TAS2R1: variants seen among roughly 807,000 people sequenced by gnomAD.
TAS2R1 encodes taste 2 receptor member 1.
For missense variants in TAS2R1, 370 were observed against 353.4 expected, an observed-to-expected ratio of 1.05 and a Z score of -0.38; for synonymous variants, 141 against 134.2, an observed-to-expected ratio of 1.05 and a Z score of -0.35.
chr5:9,629,082 C>T lies in TAS2R1; in HGVS notation c.*51G>A. On this transcript the variant is annotated 3_prime_UTR_variant, in exon 1 of 1. Transcript: ENST00000382492. Reference sequence around the variant, plus strand: ...GTCTGGCTGAGGGAAGTGTGGCAGGCATGGGTAAATCATTGAATCATGGGT... The same window carrying T: ...GTCTGGCTGAGGGAAGTGTGGCAGGTATGGGTAAATCATTGAATCATGGGT... 1 of 1,489,926 alleles carries T rather than the reference C, an allele frequency of 6.7e-7. No homozygotes were observed. The highest frequency in any genetic ancestry group is 1.5e-5 in the South Asian group (1 of 67,892). The allele number at this position is 1,489,926 out of a possible 1,614,324, so 92.3% of individuals were successfully genotyped here. A position where few individuals can be genotyped will look rare whatever the true frequency, so the allele number is the denominator to read the frequency against.
At chr5:9,681,273 A>G (rs1370157359) in intron 1 of TAS2R1, among the ~76,000 whole-genome samples, 2 of 152,020 alleles carry the variant, frequency 1.3e-5, no homozygotes, top group Non-Finnish European at 1.5e-5. Context: ...AAAAATAGGG[A>G]AAAATGGGTG....
At chr5:9,732,886 G>A in the TAS2R1 span, among the ~76,000 whole-genome samples, 39 of 152,260 alleles carry the variant, frequency 2.6e-4, no homozygotes, top group Admixed American at 1.7e-3. Context: ...AGACAGGAGC[G>A]GATATTGCAA....
chr5:9,878,157 C>G, the TAS2R1 span, among the ~76,000 whole-genome samples: 1 of 152,238 alleles, frequency 6.6e-6, no homozygotes, highest in African/African-American at 2.4e-5. Flanking sequence ...ACACAGTCAC[C>G]TCAACATAAT....
At chr5:9,848,359 G>A in the TAS2R1 span, among the ~76,000 whole-genome samples, 1 of 152,286 alleles carries the variant, frequency 6.6e-6, no homozygotes. Flanking sequence ...AAACAATGGA[G>A]GCATCCAAAT....
chr5:9,854,700 C>A, the TAS2R1 span, among the ~76,000 whole-genome samples: 270 of 152,122 alleles, frequency 1.8e-3, 1 homozygote, highest in African/African-American at 6.3e-3. Context: ...CAGAAAGTTG[C>A]AATACTGGAT....
chr5:9,780,725 A>G, the TAS2R1 span, among the ~76,000 whole-genome samples: 1 of 152,168 alleles, frequency 6.6e-6, no homozygotes, highest in South Asian at 2.1e-4. Flanking sequence ...ATGTGCGTTC[A>G]TGTTAGGTTA....
At chr5:9,712,904 A>C (rs543107901), upstream of TAS2R1, among the ~76,000 whole-genome samples, 1 of 151,992 alleles carries the variant, frequency 6.6e-6, no homozygotes, top group African/African-American at 2.4e-5. Context: ...GAGAACCCTA[A>C]CTAATATACC....
At chr5:9,794,371 G>A in the TAS2R1 span, among the ~76,000 whole-genome samples, 1 of 151,994 alleles carries the variant, frequency 6.6e-6, no homozygotes, top group Admixed American at 6.6e-5. Flanking sequence ...GGATATAAAA[G>A]GATTCAGATA....
At chr5:9,722,398 T>C in the TAS2R1 span, among the ~76,000 whole-genome samples, 1 of 152,268 alleles carries the variant, frequency 6.6e-6, no homozygotes, top group Non-Finnish European at 1.5e-5. Flanking sequence ...AAATCTACAT[T>C]GTACTAACAC....
Position 9,629,527 on chromosome 5 carries a change from T to C in TAS2R1, c.506A>G (p.Glu169Gly), listed in dbSNP as rs778234948. The C allele has an allele frequency of 1.8e-5, 29 of 1,614,086 alleles. No homozygotes were observed. The South Asian group carries it at 2.0e-4, about 11-fold the overall frequency. Residue 169 changes from glutamate to glycine, a missense_variant, in exon 1 of 1, where the codon GAA becomes GGA. Transcript: ENST00000382492. ...FFSQNATIQKEDTLAIQIFSF... is the reference protein window; with the variant it reads ...FFSQNATIQKGDTLAIQIFSF... ...GAAAATCTGTATAGCCAGTGTATCT[T>C]CTTTTTGAATTGTGGCATTTTGGGA... is the stretch of plus-strand genomic sequence containing the variant.
chr5:9,679,278 C>T (rs1220794532), intron 1 of TAS2R1, among the ~76,000 whole-genome samples: 1 of 152,144 alleles, frequency 6.6e-6, no homozygotes, highest in Admixed American at 6.5e-5. Flanking sequence ...ACCGTGATGG[C>T]AAATACATGA....
rs1262191008 is a variant in TAS2R1 at position 9,677,854 on chromosome 5, A to G, written c.-241-18273T>C. 3.3e-5 allele frequency among the ~76,000 whole-genome samples: 5 copies of G among 152,192 alleles called. No homozygotes were observed. The East Asian group carries it at 5.8e-4, about 18-fold the overall frequency. Reference sequence around the variant, plus strand: ...AATTGATTAGAAAACTTATGTCCATACAAGAGCACACATGTGAATGTTTCA... The same window carrying G: ...AATTGATTAGAAAACTTATGTCCATGCAAGAGCACACATGTGAATGTTTCA... On this transcript the variant is annotated intron_variant, in intron 1 of 2. Transcript: ENST00000506620.
At chr5:9,724,222 C>A in the TAS2R1 span, among the ~76,000 whole-genome samples, 1 of 152,172 alleles carries the variant, frequency 6.6e-6, no homozygotes, top group Non-Finnish European at 1.5e-5. Flanking sequence ...TTGTGGCCCA[C>A]CTTCCACCAC....
chr5:9,745,300 C>A, the TAS2R1 span, among the ~76,000 whole-genome samples: 1 of 151,984 alleles, frequency 6.6e-6, no homozygotes, highest in Non-Finnish European at 1.5e-5. Flanking sequence ...AGGAGCAGAG[C>A]ATGAGATATT....
Position 9,628,905 on chromosome 5 carries a change from C to T in TAS2R1, c.*228G>A, listed in dbSNP as rs1222528134. 3 of 408,458 alleles carry T rather than the reference C, an allele frequency of 7.3e-6. No individual in the cohort carries two copies. Among genetic ancestry groups the T allele is most frequent in the Non-Finnish European group, 1.3e-5 (3 of 232,588 alleles). 25.3% of individuals were successfully genotyped at this position (408,458 alleles called of 1,614,324 possible). ...CACGATGATAGTACAATATCACTACCAGGATATTGAAATTGATGTAATCCA... is the reference window on the plus strand; with the variant it reads ...CACGATGATAGTACAATATCACTACTAGGATATTGAAATTGATGTAATCCA... On this transcript the variant is annotated 3_prime_UTR_variant, in exon 1 of 1. Transcript: ENST00000382492.
At chr5:9,643,333 T>A (rs966445357) in intron 2 of TAS2R1, among the ~76,000 whole-genome samples, 2 of 152,218 alleles carry the variant, frequency 1.3e-5, no homozygotes, top group African/African-American at 4.8e-5. Context: ...CTGTCCTGAA[T>A]GCTGTAGGCA....
chr5:9,837,981 T>C, the TAS2R1 span, among the ~76,000 whole-genome samples: 3 of 152,190 alleles, frequency 2.0e-5, no homozygotes, highest in Non-Finnish European at 1.5e-5. Flanking sequence ...CTCAAATATC[T>C]GTGAGTCCCA....
At chr5:9,817,935 G>A in the TAS2R1 span, among the ~76,000 whole-genome samples, 856 of 152,118 alleles carry the variant, frequency 5.6e-3, 7 homozygotes, top group African/African-American at 0.02. Context: ...GCTCCCATGA[G>A]AACTCACTCA....
At chr5:9,795,191 C>G in the TAS2R1 span, among the ~76,000 whole-genome samples, 14 of 152,122 alleles carry the variant, frequency 9.2e-5, no homozygotes, top group Admixed American at 3.9e-4. Flanking sequence ...CTCTAATCAG[C>G]GTTTTCTACA....
Sources: allele counts gnomAD v4.1 joint callset (sites outside exome capture counted in the v4.1 genomes callset), GRCh38; gene constraint gnomAD v4.1.1; transcripts MANE v1.5; gene names NCBI Gene and HGNC (gene_info 2026-07-23, HGNC 2026-07-21).